SULT2B1: variants seen among roughly 807,000 people sequenced by gnomAD.
The protein encoded by SULT2B1 is sulfotransferase 2B1.
A neutral mutation model predicts 33.2 loss-of-function variants in SULT2B1; 16 were observed. The observed-to-expected ratio is 0.48, with a 90% CI of 0.33 to 0.73. The LOEUF is 0.73. Ranked by LOEUF, SULT2B1 falls within the 30% of genes least tolerant of loss-of-function variation. The pLI is 0.02. For synonymous variants in SULT2B1, 186 were observed against 200.5 expected (o/e 0.93, Z 0.61); for missense variants, 500 against 506.0 (o/e 0.99, Z 0.11).
At chr19:48,569,264 T>C (rs184033255) in intron 1 of SULT2B1, among the ~76,000 whole-genome samples, 15,452 of 148,796 alleles carry the variant, frequency 0.1, 936 homozygotes, top group Non-Finnish European at 0.14. Context: ...ATGGCGTGAA[T>C]CCAGGAGGCG....
At chr19:48,596,340 T>C in intron 5 of SULT2B1, 1 of 179,290 alleles carries the variant, frequency 5.6e-6, no homozygotes, top group Non-Finnish European at 1.2e-5. Context: ...AGGTTTGAGA[T>C]GTAGACCAGC....
Position 48,583,169 on chromosome 19 carries a change from G to GA in SULT2B1, c.215-4054dup, listed in dbSNP as rs1026218124. Among the ~76,000 whole-genome samples, 49 of 137,554 alleles carry GA rather than the reference G, an allele frequency of 3.6e-4. 1 individual carries two copies. The highest frequency in any genetic ancestry group is 1.4e-3 in the African/African-American group (45 of 32,102). The allele number at this position is 137,554 out of a possible 152,430, so 90.2% of individuals were successfully genotyped here. ...TCTGTCTCAAAAATAAAAAATAAAA[G>GA]AAAAAACAGAAGAAAATACCAAGTG... is the stretch of plus-strand genomic sequence containing the variant. On this transcript the variant is annotated intron_variant, in intron 2 of 6. Transcript: ENST00000201586.
chr19:48,560,535 A>G (rs182795066), intron 1 of SULT2B1, among the ~76,000 whole-genome samples: 63 of 152,148 alleles, frequency 4.1e-4, no homozygotes, highest in Non-Finnish European at 1.5e-4. Context: ...CCATAGATAT[A>G]TACCGTGAGC....
At chr19:48,586,051 TTCTAAA>T (rs1221391233) in intron 2 of SULT2B1, among the ~76,000 whole-genome samples, 2 of 151,786 alleles carry the variant, frequency 1.3e-5, no homozygotes, top group African/African-American at 4.8e-5. Flanking sequence ...ACCGTATGTC[TTCTAAA>T]AATAAAAATA....
chr19:48,598,172 AT>A (rs1336961004), intron 6 of SULT2B1, among the ~76,000 whole-genome samples: 1 of 152,170 alleles, frequency 6.6e-6, no homozygotes, highest in Non-Finnish European at 1.5e-5. Flanking sequence ...CCACAACCTC[AT>A]TAAGGGTGCT....
chr19:48,555,905 A>T (rs1445512101), intron 1 of SULT2B1, among the ~76,000 whole-genome samples: 1 of 151,774 alleles, frequency 6.6e-6, no homozygotes, highest in Non-Finnish European at 1.5e-5. Flanking sequence ...ATGCCCGGCT[A>T]ATTTTTTGTA....
intron 1 of SULT2B1, among the ~76,000 whole-genome samples, chr19:48,572,867 T>G (rs546978370): frequency 6.6e-6 from 1 of 151,810 alleles, no homozygotes; most frequent in East Asian, 2.0e-4. Flanking sequence ...CTTTAAGAGT[T>G]GCATGTCTGC....
intron 1 of SULT2B1, among the ~76,000 whole-genome samples, chr19:48,554,963 A>G (rs2147593742): frequency 6.6e-6 from 1 of 152,208 alleles, no homozygotes; most frequent in South Asian, 2.1e-4. Context: ...AGGGATGATG[A>G]GCAAGACCAG....
At chr19:48,577,301 A>G (rs1973426535) in intron 2 of SULT2B1, among the ~76,000 whole-genome samples, 1 of 134,648 alleles carries the variant, frequency 7.4e-6, no homozygotes. Flanking sequence ...ATGATCCACC[A>G]GCCTTGGCCT....
rs547612984 is a variant in SULT2B1, at chr19:48,552,417, A to C, written c.71+94A>C. On this transcript the variant is annotated intron_variant, in intron 1 of 6. Coordinates refer to ENST00000201586, the MANE Select transcript of SULT2B1 (RefSeq NM_177973.2). The surrounding 1 kb of genome is among the most constrained non-coding windows in gnomAD (Gnocchi z 4.8). ...ACTGTGGCAAGGGTGGCCTCCAGCC[A>C]CCCGCAGCCGCAGGCCTGGCCCAGA... is the stretch of plus-strand genomic sequence containing the variant. 153 of 1,338,144 alleles carry C rather than the reference A, an allele frequency of 1.1e-4. No homozygotes were observed. The highest frequency in any genetic ancestry group is 2.6e-4 in the Middle Eastern group (1 of 3,910). 82.9% of individuals were successfully genotyped at this position (1,338,144 alleles called of 1,614,324 possible). A position where few individuals can be genotyped will look rare whatever the true frequency, so the allele number is the denominator to read the frequency against.
rs1973720115 is a variant in SULT2B1, at chr19:48,596,736, C to T, written c.646-3C>T. 3 of 1,601,094 alleles carry T rather than the reference C, an allele frequency of 1.9e-6. No individual in the cohort carries two copies. Among genetic ancestry groups the T allele is most frequent in the East Asian group, 4.5e-5 (2 of 44,778 alleles). On this transcript the variant is annotated splice_region_variant and splice_polypyrimidine_tract_variant and intron_variant, in intron 5 of 6. Coordinates refer to ENST00000201586, the MANE Select transcript of SULT2B1 (RefSeq NM_177973.2). ...TCCGCTGACCCCTCTCCCCTGCCTG[C>T]AGGACTTACAGGGCTCCGTGGAGCG... is the stretch of plus-strand genomic sequence containing the variant.
At position 48,576,354 on chromosome 19, in the gene SULT2B1, CTTCTCTTT is replaced by C. The variant is rs1360068974; in HGVS notation, c.214+274_214+281del. Among the ~76,000 whole-genome samples, 763 of 79,910 alleles carry C rather than the reference CTTCTCTTT, an allele frequency of 9.5e-3. 54 individuals carry two copies. The highest frequency in any genetic ancestry group is 0.04 in the African/African-American group (724 of 18,236). The allele number at this position is 79,910 out of a possible 152,430, so 52.4% of individuals were successfully genotyped here. A position where few individuals can be genotyped will look rare whatever the true frequency, so the allele number is the denominator to read the frequency against. ...TCCTCCCTTTCCCCTTTACCCTCTA[CTTCTCTTT>C]TTTTTTTTTTTTTTTGTAGAGATGG... is the stretch of plus-strand genomic sequence containing the variant. On this transcript the variant is annotated intron_variant, in intron 2 of 6. Transcript: ENST00000201586.
rs762765702 is a variant in SULT2B1, at chr19:48,596,914, G to A, written c.821G>A (p.Arg274Gln). 1.3e-5 allele frequency: 20 copies of A among 1,587,816 alleles called. No individual in the cohort carries two copies. The highest frequency in any genetic ancestry group is 2.7e-5 in the African/African-American group (2 of 74,720). Reference sequence around the variant, plus strand: ...GACCACCGTCGCGGGGCCTTCCTCCGGAAAGGTGCGGGGGTTCTGGGGTTC... The same window carrying A: ...GACCACCGTCGCGGGGCCTTCCTCCAGAAAGGTGCGGGGGTTCTGGGGTTC... ...LLDHRRGAFLRKGVCGDWKNH... is the reference protein window; with the variant it reads ...LLDHRRGAFLQKGVCGDWKNH... Residue 274 changes from arginine (R) to glutamine (Q), a missense_variant, in exon 6 of 7, where the codon CGG (arginine) becomes CAG (glutamine). Arg to Gln is a conservative substitution (Grantham distance 43). Coordinates refer to ENST00000201586, the MANE Select transcript of SULT2B1 (RefSeq NM_177973.2).
At chr19:48,560,595 A>G (rs967067591) in intron 1 of SULT2B1, among the ~76,000 whole-genome samples, 2 of 151,878 alleles carry the variant, frequency 1.3e-5, no homozygotes, top group Non-Finnish European at 2.9e-5. Flanking sequence ...AACAAAAGAA[A>G]CAAGTGAAAT....
chr19:48,554,234 G>T (rs1290860740), intron 1 of SULT2B1, among the ~76,000 whole-genome samples: 1 of 151,734 alleles, frequency 6.6e-6, no homozygotes, highest in Non-Finnish European at 1.5e-5. Context: ...GAGCCTGCTG[G>T]AGCATCCCCC....
At chr19:48,588,643 ATGTC>A (rs1458055266) in intron 3 of SULT2B1, among the ~76,000 whole-genome samples, 3 of 151,626 alleles carry the variant, frequency 2.0e-5, no homozygotes, top group African/African-American at 7.3e-5. Flanking sequence ...AATACATAAA[ATGTC>A]TGATGGGATA....
intron 1 of SULT2B1, among the ~76,000 whole-genome samples, chr19:48,563,768 C>G (rs1973209043): frequency 6.6e-6 from 1 of 151,906 alleles, no homozygotes; most frequent in Non-Finnish European, 1.5e-5. Flanking sequence ...AGTTCAAGAC[C>G]AGCCTGACCA....
chr19:48,590,904 G>A (rs1330640809), intron 3 of SULT2B1, among the ~76,000 whole-genome samples: 1 of 151,976 alleles, frequency 6.6e-6, no homozygotes, highest in Non-Finnish European at 1.5e-5. Flanking sequence ...TGTGATCACA[G>A]CTCACTGCAG....
rs994827755 is a variant in SULT2B1, at chr19:48,552,532, T to G, written c.71+209T>G. On this transcript the variant is annotated intron_variant, in intron 1 of 6. Coordinates refer to ENST00000201586, the MANE Select transcript of SULT2B1 (RefSeq NM_177973.2). The surrounding 1 kb of genome is among the most constrained non-coding windows in gnomAD (Gnocchi z 4.8). ...GGAGTGAGGACCCGACCGTGTTGAG[T>G]CACCAGTGGGGATGCCTGGGGTGTC... Among the ~76,000 whole-genome samples the G allele has an allele frequency of 6.6e-6, 1 of 152,024 alleles. No individual in the cohort carries two copies. Among genetic ancestry groups the G allele is most frequent in the African/African-American group, 2.4e-5 (1 of 41,390 alleles).
Sources: allele counts gnomAD v4.1 joint callset (sites outside exome capture counted in the v4.1 genomes callset), GRCh38; gene constraint gnomAD v4.1.1; non-coding constraint Gnocchi (gnomAD v3.1); transcripts MANE v1.5; gene names NCBI Gene and HGNC (gene_info 2026-07-23, HGNC 2026-07-21).